The following HMCN1 variants were observed in gnomAD, a reference collection of about 807,000 sequenced individuals.
The protein encoded by HMCN1 is hemicentin-1.
In HMCN1, 321 loss-of-function variants were observed where a neutral mutation model predicts 625.9. That is an observed-to-expected ratio of 0.51 (90% confidence interval 0.47 to 0.56). The LOEUF (loss-of-function observed/expected upper bound fraction) is 0.56. HMCN1 is among the 20% of genes least tolerant of loss of function. The probability of loss-of-function intolerance (pLI) is 0.00; values close to 1 mark genes in which losing one functional copy is unlikely to be tolerated. For synonymous variants in HMCN1, 2,425 were observed against 2,417.6 expected (o/e 1.00, Z -0.09); for missense variants, 6,588 against 6,887.3 (o/e 0.96, Z 1.54).
intron 46 of HMCN1, 72 bp downstream of exon 46, chr1:186,057,473 T>C: frequency 1.9e-6 from 2 of 1,079,006 alleles, no homozygotes; most frequent in Non-Finnish European, 2.9e-6. Flanking sequence ...AATTTCAAAT[T>C]GCTCAGTGTT....
chr1:185,855,379 A>C (rs970804019), intron 2 of HMCN1, among the ~76,000 whole-genome samples: 3 of 152,048 alleles, frequency 2.0e-5, no homozygotes, highest in Non-Finnish European at 4.4e-5. Context: ...ACTGAGATAT[A>C]ATTTGTTAGT....
chr1:185,937,891 TA>T (rs1667896191), intron 11 of HMCN1, among the ~76,000 whole-genome samples: 1 of 135,538 alleles, frequency 7.4e-6, no homozygotes, highest in Non-Finnish European at 1.5e-5. Context: ...AAAATAATAA[TA>T]ATAATAATAA....
chr1:185,953,015 TG>T (rs142471561), intron 11 of HMCN1, among the ~76,000 whole-genome samples: 1 of 150,522 alleles, frequency 6.6e-6, no homozygotes, highest in Non-Finnish European at 1.5e-5. Context: ...AATAAGGGAT[TG>T]GGGGGTTTTT....
intron 2 of HMCN1, among the ~76,000 whole-genome samples, chr1:185,862,670 G>A (rs1210433561): frequency 1.3e-5 from 2 of 152,132 alleles, no homozygotes; most frequent in African/African-American, 2.4e-5. Flanking sequence ...GGTGTTATTT[G>A]TTAAACTAAA....
At chr1:186,182,434 T>C in intron 105 of HMCN1, 147 bp downstream of exon 105, 1 of 914,034 alleles carries the variant, frequency 1.1e-6, no homozygotes. Flanking sequence ...GACATTGCTT[T>C]TGCAAGCAGG....
chr1:185,936,294 A>G (rs564358249), intron 11 of HMCN1, among the ~76,000 whole-genome samples: 74 of 152,268 alleles, frequency 4.9e-4, no homozygotes, highest in African/African-American at 1.7e-3. Context: ...TTATATATAA[A>G]GACTTCAAAA....
chr1:185,945,196 T>G (rs1192126693), intron 11 of HMCN1, among the ~76,000 whole-genome samples: 4 of 152,212 alleles, frequency 2.6e-5, no homozygotes, highest in Non-Finnish European at 5.9e-5. Flanking sequence ...AAACATTTGG[T>G]TAATGAGAAT....
At chr1:186,178,357 T>A in intron 103 of HMCN1, 59 bp from the exon 104 acceptor site, 1 of 1,195,954 alleles carries the variant, frequency 8.4e-7, no homozygotes, top group South Asian at 1.2e-5. Flanking sequence ...TATTCCTGTG[T>A]TTTGTGTGTG....
chr1:185,964,664 G>A (rs1334338484), intron 13 of HMCN1, among the ~76,000 whole-genome samples: 1 of 152,110 alleles, frequency 6.6e-6, no homozygotes, highest in Non-Finnish European at 1.5e-5. Flanking sequence ...GATATATACG[G>A]AAATATAACA....
In HMCN1 at chr1:186,136,667, G is replaced by A. The variant is rs1279427691; in HGVS notation, c.13313-1G>A. The A allele has an allele frequency of 5.0e-6, 8 of 1,613,180 alleles. No homozygotes were observed. The Admixed American group carries it at 5.0e-5, about 10-fold the overall frequency. ...GAGACACTATGTGCTTTTTTCCGTA[G>A]GTCCTCCTATTATCACTCTTGAGCC... On this transcript the variant is annotated splice_acceptor_variant, in intron 86 of 106. Transcript: ENST00000271588. LOFTEE classifies it high-confidence loss of function.
chr1:186,144,206 GAACATGCAGCGAAAGTTGTGGGA>G lies in HMCN1; in HGVS notation c.13961_13983del (p.Thr4654ArgfsTer10). The G allele has an allele frequency of 6.2e-7, 1 of 1,610,630 alleles. No homozygotes were observed. The highest frequency in any genetic ancestry group is 8.5e-7 in the Non-Finnish European group (1 of 1,178,180). ...GCATGGAGCGCTTGGCAGCCTTGGG[GAACATGCAGCGAAAGTTGTGGGA>G]AAGGTACTCAGACAAGAGCAAGACT... On this transcript the variant is annotated frameshift_variant, in exon 90 of 107. Coordinates refer to ENST00000271588, the MANE Select transcript of HMCN1 (RefSeq NM_031935.3). LOFTEE classifies it high-confidence loss of function.
At position 185,865,788 on chromosome 1, in the gene HMCN1, A is replaced by T; in HGVS notation, c.546A>T (p.Gly182=). The T allele has an allele frequency of 6.2e-7, 1 of 1,611,796 alleles. No homozygotes were observed. Among genetic ancestry groups the T allele is most frequent in the Admixed American group, 1.7e-5 (1 of 59,882 alleles). Residue 182 remains glycine, a synonymous_variant, in exon 4 of 107, where the codon GGA becomes GGT. Transcript: ENST00000271588. ...ATTGTGATGACAGGACCCATATTGG[A>T]TATAAAGTCTATGAAGAAATTGCCT... ...TGDCDDRTHI[G]YKVYEEIAST... is the part of the protein sequence containing the mutation.
At chr1:185,821,017 C>T (rs1404532398) in intron 1 of HMCN1, among the ~76,000 whole-genome samples, 1 of 151,270 alleles carries the variant, frequency 6.6e-6, no homozygotes, top group Non-Finnish European at 1.5e-5. Context: ...CATTATGTAC[C>T]TGTAATATAT....
At chr1:185,769,161 T>TA (rs1656062903) in intron 1 of HMCN1, among the ~76,000 whole-genome samples, 3 of 152,074 alleles carry the variant, frequency 2.0e-5, no homozygotes, top group Admixed American at 6.6e-5. Context: ...TAAGACTTTA[T>TA]AATAGGCCAG....
chr1:185,734,921 G>A lies in HMCN1; in HGVS notation c.142G>A (p.Val48Met). 2 of 1,614,162 alleles carry A rather than the reference G, an allele frequency of 1.2e-6. No individual in the cohort carries two copies. Among genetic ancestry groups the A allele is most frequent in the Non-Finnish European group, 8.5e-7 (1 of 1,180,026 alleles). Reference protein sequence around the residue: ...GASTLAFVFDVTGSMYDDLVQ... With the variant: ...GASTLAFVFDMTGSMYDDLVQ... ...CTCCACGTTGGCTTTTGTGTTTGATGTGACTGGTTCTATGTATGATGATTT... is the reference window on the plus strand; with the variant it reads ...CTCCACGTTGGCTTTTGTGTTTGATATGACTGGTTCTATGTATGATGATTT... The change falls in exon 1 of 107, where the codon GTG becomes ATG. Residue 48 changes from valine to methionine, a missense_variant. Coordinates refer to ENST00000271588, the MANE Select transcript of HMCN1 (RefSeq NM_031935.3).
At chr1:186,002,139 A>G (rs1027668957) in intron 28 of HMCN1, among the ~76,000 whole-genome samples, 4 of 152,086 alleles carry the variant, frequency 2.6e-5, no homozygotes, top group African/African-American at 9.7e-5. Context: ...GCTAGGCTGT[A>G]CTTGAACTGG....
In HMCN1 at chr1:186,120,123, C is replaced by A; in HGVS notation, c.12207C>A (p.Gly4069=). 1 of 1,613,864 alleles carries A rather than the reference C, an allele frequency of 6.2e-7. No individual in the cohort carries two copies. ...AGAACCCGGCTGGTACAGCCTTGGG[C>A]AAAATCAAGTTAAATGTCCAAGGTA... is the stretch of plus-strand genomic sequence containing the variant. ...VAQNPAGTAL[G]KIKLNVQVPP... The change falls in exon 80 of 107, where the codon GGC becomes GGA. Residue 4069 remains glycine, a synonymous_variant. Coordinates refer to ENST00000271588, the MANE Select transcript of HMCN1 (RefSeq NM_031935.3).
intron 75 of HMCN1, among the ~76,000 whole-genome samples, chr1:186,116,783 A>G (rs975645989): frequency 3.3e-5 from 5 of 152,138 alleles, no homozygotes; most frequent in African/African-American, 9.7e-5. Flanking sequence ...CTTCCTGTAA[A>G]TATTATATCA....
chr1:185,965,968 T>TTA (rs1553266482), intron 14 of HMCN1, 53 bp downstream of exon 14: 2 of 1,110,064 alleles, frequency 1.8e-6, no homozygotes, highest in African/African-American at 3.1e-5. Context: ...GTTTTCTTTT[T>TTA]AAAAAAAATG....
Sources: allele counts gnomAD v4.1 joint callset (sites outside exome capture counted in the v4.1 genomes callset), GRCh38; gene constraint gnomAD v4.1.1; transcripts MANE v1.5; gene names NCBI Gene and HGNC (gene_info 2026-07-23, HGNC 2026-07-21).